The following MLF1 variants were observed in gnomAD, a reference collection of about 807,000 sequenced individuals.
The protein encoded by MLF1 is myelodysplasia-myeloid leukemia factor 1.
In MLF1, 37 loss-of-function variants were observed where a neutral mutation model predicts 38.3. That is an observed-to-expected ratio of 0.96 (90% CI 0.74 to 1.27). MLF1 has a LOEUF of 1.27. Ranked by LOEUF, MLF1 falls within the 50% of genes most tolerant of loss-of-function variation. MLF1 has a pLI of 0.00. For missense variants in MLF1, 331 were observed against 349.2 expected (o/e 0.95, Z 0.42); for synonymous variants, 95 against 106.5 (o/e 0.89, Z 0.66).
chr3:158,597,697 G>T (rs1719088202), intron 4 of MLF1, among the ~76,000 whole-genome samples: 1 of 152,058 alleles, frequency 6.6e-6, no homozygotes, highest in Admixed American at 6.6e-5. Flanking sequence ...CTTAATGTTG[G>T]CAAGATTACA....
chr3:158,574,550 GAC>G (rs1316190033), intron 1 of MLF1, among the ~76,000 whole-genome samples: 1 of 148,194 alleles, frequency 6.7e-6, no homozygotes, highest in Non-Finnish European at 1.5e-5. Context: ...CAGGCATGGT[GAC>G]ACACACCTAT....
In MLF1 at chr3:158,597,541, A is replaced by AC. The variant is rs555590379; in HGVS notation, c.325-536dup. 5.1e-3 allele frequency among the ~76,000 whole-genome samples: 772 copies of AC among 152,260 alleles called. 12 individuals are homozygous for AC. The highest frequency in any genetic ancestry group is 0.018 in the African/African-American group (743 of 41,566). Reference sequence around the variant, plus strand: ...AGTCACTTGATTTGATCTGAAGAAGACCCATAACATTCTAGTCATCCAGTT... The same window carrying AC: ...AGTCACTTGATTTGATCTGAAGAAGACCCCATAACATTCTAGTCATCCAGTT... On this transcript the variant is annotated intron_variant, in intron 4 of 7. Transcript: ENST00000466246.
At chr3:158,577,950 A>G (rs913791900) in intron 1 of MLF1, among the ~76,000 whole-genome samples, 1 of 152,252 alleles carries the variant, frequency 6.6e-6, no homozygotes, top group Admixed American at 6.5e-5. Context: ...GACAATGGAA[A>G]AATAGAATTG....
chr3:158,600,091 C>A lies in MLF1; in HGVS notation c.531C>A (p.Asp177Glu). 6.7e-7 allele frequency: 1 copy of A among 1,486,796 alleles called. No individual in the cohort carries two copies. Among genetic ancestry groups the A allele is most frequent in the South Asian group, 1.5e-5 (1 of 67,020 alleles). 92.1% of individuals were successfully genotyped at this position (1,486,796 alleles called of 1,614,324 possible). A position where few individuals can be genotyped will look rare whatever the true frequency, so the allele number is the denominator to read the frequency against. Residue 177 changes from aspartate (D) to glutamate (E), a missense_variant, in exon 6 of 8, where the codon GAC becomes GAA. Transcript: ENST00000466246. ...TGGCTATTGGTCATCATATCCATGA[C>A]CGAGCTCATGTCATTAAAAAGTCAA... ...EKMAIGHHIH[D>E]RAHVIKKSKN...
rs573357197 is a variant in MLF1 at position 158,587,419 on chromosome 3, G to T, written c.48-5015G>T. Among the ~76,000 whole-genome samples, 10 of 152,282 alleles carry T rather than the reference G, an allele frequency of 6.6e-5. No homozygotes were observed. In the South Asian group the frequency reaches 1.9e-3, roughly 28 times the overall value. ...CTCCAGGGCTTAGTCCTCACTGGCT[G>T]CCCCAAGGCTGAGAGTATCAACATT... On this transcript the variant is annotated intron_variant, in intron 1 of 7. Transcript: ENST00000466246.
chr3:158,588,752 A>G (rs1717691215), intron 1 of MLF1: 1 of 375,740 alleles, frequency 2.7e-6, no homozygotes. Flanking sequence ...AGATATTTAT[A>G]GATATTCGCA....
intron 1 of MLF1, chr3:158,582,780 C>CT (rs937549516): frequency 1.6e-6 from 1 of 626,966 alleles, no homozygotes; most frequent in African/African-American, 1.9e-5. Flanking sequence ...AATAGACTGT[C>CT]TCAGACAAAC....
rs112630390 is a variant in MLF1, at chr3:158,578,505, AAC to A, written c.47+7181_47+7182del. On this transcript the variant is annotated intron_variant, in intron 1 of 7. Transcript: ENST00000466246. ...GTACGTATGTACATACATACATACA[AAC>A]ACACACACACACACACACACACGTA... Among the ~76,000 whole-genome samples, 757 of 147,002 alleles carry A rather than the reference AAC, an allele frequency of 5.1e-3. 7 individuals carry two copies. Among genetic ancestry groups the A allele is most frequent in the African/African-American group, 0.014 (571 of 40,414 alleles).
chr3:158,593,503 G>T, intron 3 of MLF1, 77 bp downstream of exon 3: 1 of 1,170,316 alleles, frequency 8.5e-7, no homozygotes, highest in South Asian at 1.5e-5. Flanking sequence ...CAAGCTGACT[G>T]AATTGGCATG....
chr3:158,578,877 A>T (rs1479423458), intron 1 of MLF1, among the ~76,000 whole-genome samples: 1 of 152,166 alleles, frequency 6.6e-6, no homozygotes, highest in East Asian at 1.9e-4. Context: ...TTTGTTTCAG[A>T]TGTCCACATG....
intron 1 of MLF1, among the ~76,000 whole-genome samples, chr3:158,574,523 A>AAAAAAACAAAAAAC (rs1553830589): frequency 9.5e-5 from 11 of 115,672 alleles, no homozygotes; most frequent in South Asian, 3.3e-4. Flanking sequence ...AAAAAAAAAA[A>AAAAAAACAAAAAAC]AAAATACAAA....
rs894989184 is a variant in MLF1 at position 158,605,544 on chromosome 3, A to G, written c.*342A>G. 9.1e-6 allele frequency: 2 copies of G among 219,304 alleles called. No individual in the cohort carries two copies. Among genetic ancestry groups the G allele is most frequent in the African/African-American group, 2.3e-5 (1 of 44,314 alleles). The allele number at this position is 219,304 out of a possible 1,614,324, so 13.6% of individuals were successfully genotyped here. A position where few individuals can be genotyped will look rare whatever the true frequency, so the allele number is the denominator to read the frequency against. The stretch of plus-strand genomic sequence containing the variant: ...TCAAGATTGATTGCAGAGCAGTTCT[A>G]TCACTTATAATTAGTTATAAGAAAT... On this transcript the variant is annotated 3_prime_UTR_variant, in exon 8 of 8. Coordinates refer to ENST00000466246, the MANE Select transcript of MLF1 (RefSeq NM_001369783.1).
At chr3:158,597,415 C>A (rs1338579731) in intron 4 of MLF1, among the ~76,000 whole-genome samples, 1 of 152,036 alleles carries the variant, frequency 6.6e-6, no homozygotes, top group Admixed American at 6.6e-5. Flanking sequence ...TTATAAACGA[C>A]TCTGAAAACA....
chr3:158,592,942 T>A (rs554669015), intron 2 of MLF1, among the ~76,000 whole-genome samples: 1 of 152,170 alleles, frequency 6.6e-6, no homozygotes, highest in African/African-American at 2.4e-5. Flanking sequence ...GTTTTAATAC[T>A]TGAAAATAGT....
chr3:158,598,085 A>G lies in MLF1; in HGVS notation c.330A>G (p.Gln110=), dbSNP rs751368742. The change falls in exon 5 of 8, where the codon CAA becomes CAG. Residue 110 remains glutamine (Q), a synonymous_variant. Transcript: ENST00000466246. Reference sequence around the variant, plus strand: ...TACAATTTGTTTACCTGTAGGGTCAACTTTCAGTGGATCCAAATGGACATT... The same window carrying G: ...TACAATTTGTTTACCTGTAGGGTCAGCTTTCAGTGGATCCAAATGGACATT... The part of the protein sequence containing the change: ...YMQKLERNFG[Q]LSVDPNGHSF... The G allele has an allele frequency of 8.6e-5, 138 of 1,612,780 alleles. No homozygotes were observed. Among genetic ancestry groups the G allele is most frequent in the Admixed American group, 8.4e-5 (5 of 59,730 alleles).
At chr3:158,598,834 C>T (rs977858282) in intron 5 of MLF1, among the ~76,000 whole-genome samples, 3 of 152,040 alleles carry the variant, frequency 2.0e-5, no homozygotes, top group Non-Finnish European at 4.4e-5. Context: ...CATTTTCACG[C>T]ATGTTTTTAC....
intron 1 of MLF1, among the ~76,000 whole-genome samples, chr3:158,576,546 A>C (rs563210419): frequency 2.0e-5 from 3 of 152,230 alleles, no homozygotes; most frequent in African/African-American, 7.2e-5. Flanking sequence ...GGAACTGTGA[A>C]TCTTCTGAGC....
At chr3:158,600,754 G>T (rs959885826) in intron 6 of MLF1, among the ~76,000 whole-genome samples, 1 of 25,624 alleles carries the variant, frequency 3.9e-5, no homozygotes, top group African/African-American at 4.5e-4. Flanking sequence ...AAATCATTCT[G>T]TACTGTTCAG....
chr3:158,586,158 C>T (rs1438331404), intron 1 of MLF1, among the ~76,000 whole-genome samples: 1 of 136,050 alleles, frequency 7.4e-6, no homozygotes, highest in East Asian at 2.0e-4. Flanking sequence ...GAGTGAAACT[C>T]TGTCTCAAAA....
Sources: allele counts gnomAD v4.1 joint callset (sites outside exome capture counted in the v4.1 genomes callset), GRCh38; gene constraint gnomAD v4.1.1; transcripts MANE v1.5; gene names NCBI Gene and HGNC (gene_info 2026-07-23, HGNC 2026-07-21).